The following DNAH17 variants were observed in gnomAD, a reference collection of about 807,000 sequenced individuals.
DNAH17 encodes the protein axonemal beta dynein heavy chain 17.
Under a neutral mutation model 485.6 loss-of-function variants are expected in DNAH17, and 376 were observed. That is an observed-to-expected ratio of 0.77 (90% CI 0.71 to 0.84). The LOEUF (loss-of-function observed/expected upper bound fraction) is 0.84. Ranked by LOEUF, DNAH17 falls within the 40% of genes least tolerant of loss-of-function variation. The pLI, the probability that DNAH17 is intolerant of heterozygous loss-of-function variation, is 0.00. For missense variants in DNAH17, 6,370 were observed against 5,839.3 expected (o/e 1.09, Z -2.96); for synonymous variants, 3,031 against 2,405.9 (o/e 1.26, Z -7.60).
At chr17:78,569,070 T>A in intron 9 of DNAH17, 96 bp downstream of exon 9, 1 of 951,708 alleles carries the variant, frequency 1.1e-6, no homozygotes, top group South Asian at 1.6e-5. Context: ...GCCTGGGGGA[T>A]TATTGGCAAG....
chr17:78,565,883 G>A (rs1489402665), intron 11 of DNAH17, among the ~76,000 whole-genome samples: 1 of 152,098 alleles, frequency 6.6e-6, no homozygotes, highest in African/African-American at 2.4e-5. Context: ...CCGGGAGGCG[G>A]AGGTTGCAGT....
At chr17:78,530,747 G>A (rs1324203492) in intron 20 of DNAH17, among the ~76,000 whole-genome samples, 2 of 152,204 alleles carry the variant, frequency 1.3e-5, no homozygotes, top group Non-Finnish European at 2.9e-5. Flanking sequence ...TCAGAAAGGG[G>A]CAGAAGGGGT....
intron 24 of DNAH17, among the ~76,000 whole-genome samples, chr17:78,526,124 G>C (rs2091064125): frequency 6.6e-6 from 1 of 152,248 alleles, no homozygotes; most frequent in Non-Finnish European, 1.5e-5. Context: ...GAGCTTGAGT[G>C]GGCTGCCAGG....
chr17:78,450,385 C>T lies in DNAH17; in HGVS notation c.10909G>A (p.Ala3637Thr). 6.2e-6 allele frequency: 10 copies of T among 1,613,816 alleles called. No homozygotes were observed. Among genetic ancestry groups the T allele is most frequent in the Non-Finnish European group, 8.5e-6 (10 of 1,179,844 alleles). The change falls in exon 68 of 81, where the codon GCA (alanine) becomes ACA (threonine). Residue 3637 changes from alanine (A) to threonine (T), a missense_variant. By Grantham distance (58) the Ala-to-Thr change is moderately conservative. Coordinates refer to ENST00000389840, the MANE Select transcript of DNAH17 (RefSeq NM_173628.4). ...TTGATTTTAACTTCTGTGATTTTTGCCTCCACCACCTCGACACAAACAAAA... is the reference window on the plus strand; with the variant it reads ...TTGATTTTAACTTCTGTGATTTTTGTCTCCACCACCTCGACACAAACAAAA... ...ASEIEEKVVE[A>T]KITEVKINEA...
At chr17:78,503,329 G>A (rs180802528) in intron 31 of DNAH17, among the ~76,000 whole-genome samples, 8 of 141,194 alleles carry the variant, frequency 5.7e-5, no homozygotes, top group East Asian at 2.1e-4. Flanking sequence ...ACAGGCGCCC[G>A]CCCCCACTCC....
chr17:78,576,196 A>T (rs1399061332), intron 1 of DNAH17, among the ~76,000 whole-genome samples: 1 of 152,208 alleles, frequency 6.6e-6, no homozygotes, highest in African/African-American at 2.4e-5. Context: ...TATTGCTTTT[A>T]AGTTTGTAAC....
Position 78,514,897 on chromosome 17 carries a change from C to G in DNAH17, c.3990G>C (p.Trp1330Cys), listed in dbSNP as rs2090740032. 1.9e-6 allele frequency: 3 copies of G among 1,613,912 alleles called. No individual in the cohort carries two copies. The highest frequency in any genetic ancestry group is 1.7e-5 in the Admixed American group (1 of 60,002). ...MRSLDKEMKT[W>C]DAFVGLDNTV... ...TGTTGTCGAGCCCCACGAAGGCATCCCAGGTTTTCATCTCCTTGTCCAAAG... is the reference window on the plus strand; with the variant it reads ...TGTTGTCGAGCCCCACGAAGGCATCGCAGGTTTTCATCTCCTTGTCCAAAG... Residue 1330 changes from tryptophan to cysteine, a missense_variant, in exon 26 of 81, where the codon TGG becomes TGC. Transcript: ENST00000389840.
In DNAH17 at chr17:78,479,467, T is replaced by G. The variant is rs1248557365; in HGVS notation, c.7900+18A>C. 4 of 1,597,518 alleles carry G rather than the reference T, an allele frequency of 2.5e-6. No individual in the cohort carries two copies. In the South Asian group the frequency reaches 4.4e-5, roughly 18 times the overall value. ...TAGGTTTTACCGATGGGAGAGGGGA[T>G]GAGGCCAGCCAGCTTACCCAGGGCC... On this transcript the variant is annotated intron_variant, in intron 50 of 80. Transcript: ENST00000389840.
intron 56 of DNAH17, among the ~76,000 whole-genome samples, chr17:78,463,869 G>A (rs758695866): frequency 9.9e-5 from 15 of 151,968 alleles, no homozygotes; most frequent in South Asian, 2.1e-4. Context: ...ACATTTCAGG[G>A]TATATATATA....
chr17:78,469,906 C>T (rs2088665017), intron 54 of DNAH17, among the ~76,000 whole-genome samples: 1 of 151,900 alleles, frequency 6.6e-6, no homozygotes, highest in South Asian at 2.1e-4. Flanking sequence ...TGGAGGTTGC[C>T]AGGGGCGGGG....
chr17:78,514,674 C>T lies in DNAH17; in HGVS notation c.4113+100G>A, dbSNP rs1051274711. 59 of 1,456,332 alleles carry T rather than the reference C, an allele frequency of 4.1e-5. 1 individual carries two copies. In the South Asian group the frequency reaches 5.5e-4, roughly 14 times the overall value. The allele number at this position is 1,456,332 out of a possible 1,614,324, so 90.2% of individuals were successfully genotyped here. On this transcript the variant is annotated intron_variant, in intron 26 of 80. Transcript: ENST00000389840. ...CTGCCCACATTGGCTTTACCAGCAT[C>T]GGGCCCTGAACACCTTGGCTAGGCA...
chr17:78,466,491 T>G (rs968908424), intron 56 of DNAH17, among the ~76,000 whole-genome samples, 164 bp downstream of exon 56: 4 of 152,342 alleles, frequency 2.6e-5, no homozygotes, highest in African/African-American at 9.6e-5. Context: ...CTCACTTATC[T>G]TGATGCCTGA....
At position 78,529,462 on chromosome 17, in the gene DNAH17, C is replaced by T. The variant is rs1327816945; in HGVS notation, c.3507+10G>A. 3 of 1,613,550 alleles carry T rather than the reference C, an allele frequency of 1.9e-6. No homozygotes were observed. The highest frequency in any genetic ancestry group is 1.3e-5 in the African/African-American group (1 of 75,026). The stretch of plus-strand genomic sequence containing the variant: ...TCACCTGGACGCAGCCACACCCACC[C>T]ACCACGTACCTGCAGCTTCAAGTGG... On this transcript the variant is annotated intron_variant, in intron 22 of 80. Transcript: ENST00000389840.
intron 19 of DNAH17, among the ~76,000 whole-genome samples, chr17:78,533,707 CAG>C (rs773820951): frequency 5.3e-5 from 8 of 152,080 alleles, no homozygotes; most frequent in African/African-American, 7.2e-5. Context: ...CTTTTTGAGA[CAG>C]AGTTTCGGTC....
Position 78,439,223 on chromosome 17 carries a change from GAAAAGA to G in DNAH17, c.11678-12_11678-7del. On this transcript the variant is annotated splice_polypyrimidine_tract_variant and splice_region_variant and intron_variant, in intron 72 of 80. Coordinates refer to ENST00000389840, the MANE Select transcript of DNAH17 (RefSeq NM_173628.4). ...GGTAAACCCTAGTTTTTTTCCTAAA[GAAAAGA>G]AAAACAGGAAAAAAACACCACGTAA... 1 of 1,593,856 alleles carries G rather than the reference GAAAAGA, an allele frequency of 6.3e-7. No individual in the cohort carries two copies. Among genetic ancestry groups the G allele is most frequent in the Non-Finnish European group, 8.5e-7 (1 of 1,170,658 alleles).
chr17:78,493,960 T>C (rs1598578517), intron 41 of DNAH17, 76 bp downstream of exon 41: 3 of 1,516,226 alleles, frequency 2.0e-6, no homozygotes, highest in Non-Finnish European at 1.8e-6. Flanking sequence ...CGGGGAGTGA[T>C]GGAGGGCCGA....
At chr17:78,560,627 G>T (rs1370207720) in intron 13 of DNAH17, 113 bp downstream of exon 13, 3 of 1,186,964 alleles carry the variant, frequency 2.5e-6, no homozygotes, top group African/African-American at 3.1e-5. Context: ...TAAAGCTTTA[G>T]GCGAACTGTG....
intron 37 of DNAH17, 128 bp from the exon 38 acceptor site, chr17:78,496,160 T>G: frequency 9.6e-7 from 1 of 1,037,286 alleles, no homozygotes; most frequent in Non-Finnish European, 1.4e-6. Flanking sequence ...TCCTAGTTTA[T>G]TTTTTAAATT....
At chr17:78,561,674 T>C (rs371277676) in intron 12 of DNAH17, 41 bp downstream of exon 12, 3 of 1,562,864 alleles carry the variant, frequency 1.9e-6, no homozygotes, top group African/African-American at 2.7e-5. Context: ...TCCCGCACCA[T>C]GGAGGCGGGG....
Sources: allele counts gnomAD v4.1 joint callset (sites outside exome capture counted in the v4.1 genomes callset), GRCh38; gene constraint gnomAD v4.1.1; transcripts MANE v1.5; gene names NCBI Gene and HGNC (gene_info 2026-07-23, HGNC 2026-07-21).